NMU: variants seen among roughly 807,000 people sequenced by gnomAD.
The protein encoded by NMU is neuromedin U.
Under a neutral mutation model 35.4 loss-of-function variants are expected in NMU, and 29 were observed. The observed-to-expected ratio is 0.82, with a 90% CI of 0.61 to 1.12. NMU has a LOEUF of 1.12. NMU is among the 50% of genes most tolerant of loss of function. NMU has a pLI of 0.00. For synonymous variants in NMU, 78 were observed against 81.3 expected (o/e 0.96, Z 0.22); for missense variants, 199 against 206.2 (o/e 0.97, Z 0.21).
chr4:55,618,330 G>T (rs1303192583), intron 2 of NMU, among the ~76,000 whole-genome samples: 1 of 151,976 alleles, frequency 6.6e-6, no homozygotes, highest in Non-Finnish European at 1.5e-5. Flanking sequence ...TTTAAGCCCC[G>T]CATGCATTAG....
chr4:55,607,502 T>A (rs1733741537), intron 4 of NMU, 36 bp from the exon 5 acceptor site: 1 of 754,674 alleles, frequency 1.3e-6, no homozygotes, highest in African/African-American at 1.8e-5. Flanking sequence ...TCATTATATA[T>A]TGTAAAATTT....
intron 8 of NMU, among the ~76,000 whole-genome samples, chr4:55,600,309 A>G (rs1268065233): frequency 6.6e-6 from 1 of 152,170 alleles, no homozygotes; most frequent in Non-Finnish European, 1.5e-5. Flanking sequence ...GTGTTTAAAC[A>G]TGAGCAATAG....
intron 9 of NMU, among the ~76,000 whole-genome samples, chr4:55,597,627 A>G (rs532266545): frequency 1.3e-5 from 2 of 152,316 alleles, no homozygotes; most frequent in East Asian, 3.9e-4. Flanking sequence ...TGGCCTCCCA[A>G]GGTGCTGGGA....
At chr4:55,615,880 A>C (rs2101474) in intron 3 of NMU, among the ~76,000 whole-genome samples, 4 of 152,028 alleles carry the variant, frequency 2.6e-5, no homozygotes, top group African/African-American at 9.7e-5. Flanking sequence ...AGAACATGCA[A>C]TATTTGGTTT....
At position 55,617,096 on chromosome 4, in the gene NMU, GA is replaced by G. The variant is rs1273055486; in HGVS notation, c.172-712del. Reference sequence around the variant, plus strand: ...ATTTCTTTGATGGCCTTTTAAAATGGAACTGGAAAAAAATGGTACTGATTCT... The same window carrying G: ...ATTTCTTTGATGGCCTTTTAAAATGGACTGGAAAAAAATGGTACTGATTCT... On this transcript the variant is annotated intron_variant, in intron 2 of 9. Coordinates refer to ENST00000264218, the MANE Select transcript of NMU (RefSeq NM_006681.4). 3.3e-5 allele frequency among the ~76,000 whole-genome samples: 5 copies of G among 152,192 alleles called. No homozygotes were observed. The East Asian group carries it at 9.7e-4, about 29-fold the overall frequency.
intron 3 of NMU, among the ~76,000 whole-genome samples, chr4:55,612,524 C>T (rs1411293447): frequency 2.0e-5 from 3 of 152,040 alleles, no homozygotes; most frequent in Admixed American, 6.6e-5. Flanking sequence ...AGAATAAACA[C>T]GTATGGCTGA....
intron 2 of NMU, among the ~76,000 whole-genome samples, chr4:55,629,207 GCTCCAATTATA>G (rs1734662262): frequency 6.6e-6 from 1 of 151,936 alleles, no homozygotes; most frequent in Admixed American, 6.6e-5. Context: ...TTTTTCAGAT[GCTCCAATTATA>G]CACAACGAGA....
At chr4:55,627,179 C>A (rs1438593460) in intron 2 of NMU, among the ~76,000 whole-genome samples, 1 of 152,130 alleles carries the variant, frequency 6.6e-6, no homozygotes, top group African/African-American at 2.4e-5. Flanking sequence ...CTGGTGGTGA[C>A]TGCTATTCTC....
intron 2 of NMU, 59 bp downstream of exon 2, chr4:55,630,343 C>T: frequency 1.6e-6 from 2 of 1,216,934 alleles, no homozygotes; most frequent in Admixed American, 3.4e-5. Context: ...TACATTTTAA[C>T]ATGATAATTT....
chr4:55,616,254 A>C (rs537377315), intron 3 of NMU, 84 bp downstream of exon 3: 1 of 931,652 alleles, frequency 1.1e-6, no homozygotes, highest in East Asian at 2.4e-5. Flanking sequence ...TCACGAACAC[A>C]TAAAGGTTCC....
chr4:55,617,506 G>GAC (rs147079985), intron 2 of NMU, among the ~76,000 whole-genome samples: 196 of 149,930 alleles, frequency 1.3e-3, no homozygotes, highest in African/African-American at 3.9e-3. Context: ...TGAAATCATG[G>GAC]ACACACACAC....
intron 2 of NMU, among the ~76,000 whole-genome samples, chr4:55,618,708 TTTTC>T (rs1295574438): frequency 7.1e-6 from 1 of 141,468 alleles, no homozygotes; most frequent in African/African-American, 2.6e-5. Flanking sequence ...TCTTCTTTCT[TTTTC>T]TTTCTTCTCT....
intron 2 of NMU, among the ~76,000 whole-genome samples, chr4:55,628,601 T>A (rs987297346): frequency 7.2e-5 from 11 of 152,006 alleles, no homozygotes; most frequent in African/African-American, 2.7e-4. Context: ...CAGGCTCAAG[T>A]GATTCTCTTG....
At chr4:55,619,223 C>T (rs1392802509) in intron 2 of NMU, among the ~76,000 whole-genome samples, 1 of 150,822 alleles carries the variant, frequency 6.6e-6, no homozygotes, top group African/African-American at 2.4e-5. Flanking sequence ...ACGCAGAAGA[C>T]GGGTGATTTC....
At chr4:55,599,218 TA>T in intron 8 of NMU, 37 bp from the exon 9 acceptor site, 3 of 1,502,578 alleles carry the variant, frequency 2.0e-6, no homozygotes, top group Non-Finnish European at 2.8e-6. Flanking sequence ...TCAGTGTAAC[TA>T]AAGATGCAAG....
At chr4:55,597,594 G>A (rs984853395) in intron 9 of NMU, among the ~76,000 whole-genome samples, 2 of 152,086 alleles carry the variant, frequency 1.3e-5, no homozygotes, top group Non-Finnish European at 1.5e-5. Flanking sequence ...TCAGGCTCCC[G>A]ACCTCAGGTG....
intron 6 of NMU, among the ~76,000 whole-genome samples, chr4:55,606,708 C>T (rs555159111): frequency 6.2e-5 from 9 of 144,664 alleles, no homozygotes; most frequent in Non-Finnish European, 1.2e-4. Flanking sequence ...GACAGAGTAT[C>T]GCTCTGTCGT....
chr4:55,606,929 C>T (rs1166553556), intron 6 of NMU, among the ~76,000 whole-genome samples: 5 of 152,268 alleles, frequency 3.3e-5, no homozygotes, highest in East Asian at 1.9e-4. Context: ...CCTCCCGCCT[C>T]GGCCTCCCAA....
At chr4:55,633,149 C>T (rs1467186317) in intron 1 of NMU, among the ~76,000 whole-genome samples, 1 of 151,754 alleles carries the variant, frequency 6.6e-6, no homozygotes, top group Non-Finnish European at 1.5e-5. Context: ...ATGGTGAAAC[C>T]TCGTCTCTAC....
Sources: allele counts gnomAD v4.1 joint callset (sites outside exome capture counted in the v4.1 genomes callset), GRCh38; gene constraint gnomAD v4.1.1; transcripts MANE v1.5; gene names NCBI Gene and HGNC (gene_info 2026-07-23, HGNC 2026-07-21).